The following ATP8B1 variants were observed in gnomAD, a reference collection of about 807,000 sequenced individuals.
ATP8B1 encodes phospholipid-transporting ATPase IC.
In ATP8B1, 80 loss-of-function variants were observed where a neutral mutation model predicts 149.9. That is an observed-to-expected ratio of 0.53 (90% CI 0.45 to 0.64). The LOEUF is 0.64. ATP8B1 is among the 30% of genes least tolerant of loss of function. The pLI, the probability that ATP8B1 is intolerant of heterozygous loss-of-function variation, is 0.00. For synonymous variants in ATP8B1, 536 were observed against 562.8 expected, an observed-to-expected ratio of 0.95 and a Z score of 0.67; for missense variants, 1,247 against 1,552.6, an observed-to-expected ratio of 0.80 and a Z score of 3.31.
At chr18:57,672,918 AT>A (rs1207129985) in intron 16 of ATP8B1, among the ~76,000 whole-genome samples, 2,106 of 66,616 alleles carry the variant, frequency 0.032, 209 homozygotes, top group East Asian at 0.13. Flanking sequence ...ATATATATAT[AT>A]ATATATATAT....
intron 1 of ATP8B1, among the ~76,000 whole-genome samples, chr18:57,797,612 C>T (rs1220501520): frequency 6.6e-6 from 1 of 151,998 alleles, no homozygotes; most frequent in Non-Finnish European, 1.5e-5. Context: ...CTGGGCTATC[C>T]CCCAGGACCT....
Position 57,763,307 on chromosome 18 carries a change from G to A in ATP8B1, c.-25-31475C>T, listed in dbSNP as rs367727777. 3.3e-5 allele frequency among the ~76,000 whole-genome samples: 5 copies of A among 152,094 alleles called. No homozygotes were observed. The East Asian group carries it at 5.8e-4, about 18-fold the overall frequency. On this transcript the variant is annotated intron_variant, in intron 1 of 27. Coordinates refer to ENST00000648908, the MANE Select transcript of ATP8B1 (RefSeq NM_001374385.1). ...CTAGGGAGGCTAAGGCAGGAGATTC[G>A]CTTGAACCTGGGAGGCGGAGATTGC... is the stretch of plus-strand genomic sequence containing the variant.
chr18:57,749,126 C>A (rs1294032044), intron 1 of ATP8B1, among the ~76,000 whole-genome samples: 1 of 152,162 alleles, frequency 6.6e-6, no homozygotes, highest in Non-Finnish European at 1.5e-5. Flanking sequence ...GAACTTTTTT[C>A]TGCTGTGATA....
At chr18:57,661,676 T>TACACAC (rs368698002) in intron 21 of ATP8B1, among the ~76,000 whole-genome samples, 1,402 of 103,850 alleles carry the variant, frequency 0.014, 28 homozygotes, top group African/African-American at 0.046. Flanking sequence ...TGTATGTATA[T>TACACAC]ACACACACAC....
intron 1 of ATP8B1, among the ~76,000 whole-genome samples, chr18:57,753,720 G>T: frequency 6.6e-6 from 1 of 152,106 alleles, no homozygotes; most frequent in East Asian, 1.9e-4. Flanking sequence ...CTAAGGTCAG[G>T]AGTTCATGAC....
intron 2 of ATP8B1, among the ~76,000 whole-genome samples, chr18:57,707,659 C>T (rs1749156091): frequency 6.6e-6 from 1 of 151,606 alleles, no homozygotes; most frequent in South Asian, 2.1e-4. Context: ...CAGGTGCCTG[C>T]CACCACACCC....
intron 4 of ATP8B1, among the ~76,000 whole-genome samples, chr18:57,703,694 C>T (rs913590374): frequency 6.6e-6 from 1 of 152,050 alleles, no homozygotes; most frequent in African/African-American, 2.4e-5. Context: ...GTGTAGAGTT[C>T]CCTCGGTTAC....
intron 13 of ATP8B1, 56 bp from the exon 14 acceptor site, chr18:57,685,171 T>A: frequency 6.3e-7 from 1 of 1,586,138 alleles, no homozygotes; most frequent in South Asian, 1.1e-5. Context: ...CAGAGGCCCC[T>A]CCTTACCTGG....
intron 2 of ATP8B1, among the ~76,000 whole-genome samples, chr18:57,713,785 C>T (rs367840939): frequency 2.0e-5 from 3 of 151,646 alleles, no homozygotes; most frequent in Non-Finnish European, 4.4e-5. Context: ...CCACCGCGCC[C>T]GGCCTAATTT....
Position 57,647,345 on chromosome 18 carries a change from A to G in ATP8B1, c.*1143T>C, listed in dbSNP as rs1909239363. On this transcript the variant is annotated 3_prime_UTR_variant, in exon 28 of 28. Coordinates refer to ENST00000648908, the MANE Select transcript of ATP8B1 (RefSeq NM_001374385.1). ...TCACCTAGTAGTAAACTAAAAATAAACTGAAACTTTATGGAATCTGAAGTT... is the reference window on the plus strand; with the variant it reads ...TCACCTAGTAGTAAACTAAAAATAAGCTGAAACTTTATGGAATCTGAAGTT... The G allele has an allele frequency of 6.6e-6, 1 of 152,214 alleles. No individual in the cohort carries two copies. Among genetic ancestry groups the G allele is most frequent in the Admixed American group, 6.6e-5 (1 of 15,258 alleles). The allele number at this position is 152,214 out of a possible 1,614,324, so 9.4% of individuals were successfully genotyped here.
chr18:57,682,103 C>G (rs1216961766), intron 15 of ATP8B1, among the ~76,000 whole-genome samples: 1 of 151,444 alleles, frequency 6.6e-6, no homozygotes, highest in Non-Finnish European at 1.5e-5. Flanking sequence ...CTGCCAGGTT[C>G]AAGCGATTCT....
chr18:57,749,136 A>AT (rs1221866047), intron 1 of ATP8B1, among the ~76,000 whole-genome samples: 1 of 152,094 alleles, frequency 6.6e-6, no homozygotes, highest in Non-Finnish European at 1.5e-5. Context: ...CTGCTGTGAT[A>AT]TTTTCTCCTC....
At chr18:57,798,424 T>C (rs1449716014) in intron 1 of ATP8B1, among the ~76,000 whole-genome samples, 1 of 126,958 alleles carries the variant, frequency 7.9e-6, no homozygotes, top group Non-Finnish European at 1.7e-5. Context: ...AAAAAAAAAA[T>C]AGAAAAAAGA....
At chr18:57,795,439 C>T (rs1024874184) in intron 1 of ATP8B1, among the ~76,000 whole-genome samples, 2 of 151,952 alleles carry the variant, frequency 1.3e-5, no homozygotes, top group African/African-American at 4.8e-5. Context: ...TTACAGTAGC[C>T]AGAGGTGAAA....
At chr18:57,729,796 T>C (rs319428) in intron 2 of ATP8B1, among the ~76,000 whole-genome samples, 149,363 of 151,878 alleles carry the variant, frequency 0.98, 73,493 homozygotes, top group East Asian at 1. Flanking sequence ...GGTGATCCAC[T>C]CACCTCAGTC....
At chr18:57,672,448 G>A (rs1206804396) in intron 16 of ATP8B1, among the ~76,000 whole-genome samples, 1 of 152,118 alleles carries the variant, frequency 6.6e-6, no homozygotes, top group Non-Finnish European at 1.5e-5. Flanking sequence ...GCCTAAGGAG[G>A]GTGTAATAGT....
At chr18:57,652,249 A>T in intron 25 of ATP8B1, 77 bp from the exon 26 acceptor site, 1 of 1,580,050 alleles carries the variant, frequency 6.3e-7, no homozygotes. Context: ...CAATCCTGAA[A>T]ACAGAATTCA....
rs375620099 is a variant in ATP8B1 at position 57,668,442 on chromosome 18, A to G, written c.2196T>C (p.Thr732=). ...ACAATGAATTACCCTTTTTGTCTCC[A>G]GTAAGCACCCAGATCTTAATGTCAG... The part of the protein sequence containing the change: ...AKADIKIWVL[T]GDKKETAENI... The change falls in exon 19 of 28, where the codon ACT becomes ACC. Residue 732 remains threonine (T), a synonymous_variant. Coordinates refer to ENST00000648908, the MANE Select transcript of ATP8B1 (RefSeq NM_001374385.1). The G allele has an allele frequency of 6.2e-7, 1 of 1,607,966 alleles. No individual in the cohort carries two copies. Among genetic ancestry groups the G allele is most frequent in the Non-Finnish European group, 8.5e-7 (1 of 1,174,538 alleles).
Position 57,647,377 on chromosome 18 carries a change from C to T in ATP8B1, c.*1111G>A, listed in dbSNP as rs1909240753. ...CTTTATGGAATCTGAAGTTATTTTC[C>T]TTGATTAAATAGAATTAATAAACCA... On this transcript the variant is annotated 3_prime_UTR_variant, in exon 28 of 28. Coordinates refer to ENST00000648908, the MANE Select transcript of ATP8B1 (RefSeq NM_001374385.1). 6.6e-6 allele frequency: 1 copy of T among 152,104 alleles called. No homozygotes were observed. Among genetic ancestry groups the T allele is most frequent in the Non-Finnish European group, 1.5e-5 (1 of 68,014 alleles). The allele number at this position is 152,104 out of a possible 1,614,324, so 9.4% of individuals were successfully genotyped here.
Sources: gnomAD v4.1 joint callset for allele counts (sites outside exome capture counted in the v4.1 genomes callset) on GRCh38, gnomAD v4.1.1 for gene constraint, MANE v1.5 for transcripts, NCBI Gene and HGNC (gene_info 2026-07-23, HGNC 2026-07-21) for gene names.